Variants in TXNRD3 observed in about 807,000 individuals in gnomAD.
TXNRD3 encodes the protein thioredoxin reductase 3, also known as TXNRD3 neighbor gene protein.
In TXNRD3, 68 loss-of-function variants were observed where a neutral mutation model predicts 78.2. That is an observed-to-expected ratio of 0.87 (90% CI 0.72 to 1.06). The LOEUF (loss-of-function observed/expected upper bound fraction) is 1.06, where lower values mean the gene tolerates loss of function less well. Ranked by LOEUF, TXNRD3 falls within the 50% of genes least tolerant of loss-of-function variation. The pLI, the probability that TXNRD3 is intolerant of heterozygous loss-of-function variation, is 0.00. For missense variants in TXNRD3, 751 were observed against 809.5 expected (o/e 0.93, Z 0.88); for synonymous variants, 296 against 300.1 (o/e 0.99, Z 0.14).
intron 6 of TXNRD3, among the ~76,000 whole-genome samples, chr3:126,640,261 C>A (rs1256793314): frequency 8.2e-4 from 28 of 34,116 alleles, no homozygotes; most frequent in Non-Finnish European, 1.4e-3. Context: ...CCCGCCACTA[C>A]GCCCGGCTAA....
chr3:126,608,834 G>C (rs553394767), intron 14 of TXNRD3, among the ~76,000 whole-genome samples: 1 of 152,286 alleles, frequency 6.6e-6, no homozygotes, highest in East Asian at 1.9e-4. Flanking sequence ...CACATCCAGA[G>C]TTAATTTGCA....
Position 126,642,124 on chromosome 3 carries a change from C to T in TXNRD3, c.620G>A (p.Gly207Asp), listed in dbSNP as rs1392628799. ...ATGCATCAATTTCTTAGGAATACAACCTACATTTACACAAGTGCCACCAAG... is the reference window on the plus strand; with the variant it reads ...ATGCATCAATTTCTTAGGAATACAATCTACATTTACACAAGTGCCACCAAG... Residue 207 changes from glycine (G) to aspartate (D), a missense_variant, in exon 6 of 16, where the codon GGT becomes GAT. Gly to Asp is a moderately conservative substitution (Grantham distance 94). Coordinates refer to ENST00000524230, the MANE Select transcript of TXNRD3 (RefSeq NM_052883.3). The T allele has an allele frequency of 1.3e-6, 2 of 1,536,056 alleles. No individual in the cohort carries two copies. The highest frequency in any genetic ancestry group is 8.7e-7 in the Non-Finnish European group (1 of 1,146,850).
intron 2 of TXNRD3, among the ~76,000 whole-genome samples, chr3:126,646,820 A>G (rs1933245031): frequency 6.6e-6 from 1 of 152,228 alleles, no homozygotes; most frequent in South Asian, 2.1e-4. Context: ...TGCTGAACTA[A>G]TATTAGATGT....
At chr3:126,635,934 C>A (rs983501986) in intron 6 of TXNRD3, among the ~76,000 whole-genome samples, 6 of 151,946 alleles carry the variant, frequency 3.9e-5, no homozygotes, top group Non-Finnish European at 8.8e-5. Context: ...CAAACACACA[C>A]ACAAACATAT....
intron 2 of TXNRD3, 99 bp downstream of exon 2, chr3:126,647,137 G>A (rs1344367933): frequency 1.9e-5 from 18 of 931,358 alleles, no homozygotes; most frequent in Non-Finnish European, 2.4e-5. Flanking sequence ...CATTTAACCC[G>A]AAGACAAGAG....
intron 10 of TXNRD3, 105 bp from the exon 11 acceptor site, chr3:126,622,645 T>C: frequency 1.2e-6 from 1 of 820,858 alleles, no homozygotes; most frequent in South Asian, 1.9e-5. Context: ...AATGGAATAT[T>C]ACAAACAATC....
At chr3:126,641,336 C>T (rs1027557325) in intron 6 of TXNRD3, among the ~76,000 whole-genome samples, 2 of 152,134 alleles carry the variant, frequency 1.3e-5, no homozygotes, top group Non-Finnish European at 2.9e-5. Flanking sequence ...CCACTATTAA[C>T]CCCCCAAAAC....
intron 13 of TXNRD3, among the ~76,000 whole-genome samples, chr3:126,613,520 C>T (rs1182191945): frequency 1.3e-5 from 2 of 152,236 alleles, no homozygotes; most frequent in African/African-American, 2.4e-5. Flanking sequence ...AAATGGATCA[C>T]AGATCTAAAT....
chr3:126,624,611 C>T (rs761274153), intron 10 of TXNRD3, among the ~76,000 whole-genome samples: 4 of 151,994 alleles, frequency 2.6e-5, no homozygotes, highest in East Asian at 1.9e-4. Context: ...TCAGTAGAGA[C>T]GGGGTTTCAC....
chr3:126,650,486 C>G (rs2107630275), intron 1 of TXNRD3, among the ~76,000 whole-genome samples: 1 of 152,058 alleles, frequency 6.6e-6, no homozygotes, highest in Admixed American at 6.6e-5. Flanking sequence ...ACAAAAAATG[C>G]AAAAATTACT....
chr3:126,648,196 C>T (rs1319433155), intron 1 of TXNRD3, among the ~76,000 whole-genome samples: 1 of 152,102 alleles, frequency 6.6e-6, no homozygotes, highest in East Asian at 1.9e-4. Context: ...TGCTGAAAAC[C>T]ACAAATGTTG....
chr3:126,611,945 A>G (rs1938207023), intron 13 of TXNRD3, among the ~76,000 whole-genome samples: 1 of 152,234 alleles, frequency 6.6e-6, no homozygotes, highest in Admixed American at 6.5e-5. Context: ...AGGAGGTATC[A>G]CAATATACAG....
chr3:126,650,412 C>G (rs1051405983), intron 1 of TXNRD3, among the ~76,000 whole-genome samples: 11 of 152,046 alleles, frequency 7.2e-5, no homozygotes, highest in Admixed American at 2.0e-4. Flanking sequence ...GGAGGCCAGG[C>G]GGTGGATCAC....
intron 6 of TXNRD3, 35 bp downstream of exon 6, chr3:126,641,997 T>C (rs1933099958): frequency 2.0e-6 from 3 of 1,476,254 alleles, no homozygotes; most frequent in Non-Finnish European, 2.7e-6. Flanking sequence ...ATTTTTTCTT[T>C]TCTCTCAATC....
intron 12 of TXNRD3, among the ~76,000 whole-genome samples, chr3:126,619,919 T>C (rs938651206): frequency 6.6e-6 from 1 of 152,128 alleles, no homozygotes; most frequent in Non-Finnish European, 1.5e-5. Context: ...GGGGACTGTG[T>C]CAGATTAAGA....
At chr3:126,613,383 T>C (rs10934786) in intron 13 of TXNRD3, among the ~76,000 whole-genome samples, 1,772 of 152,338 alleles carry the variant, frequency 0.012, 15 homozygotes, top group Middle Eastern at 0.048. Flanking sequence ...AATACAGTTA[T>C]ACTCTTAGCT....
intron 9 of TXNRD3, among the ~76,000 whole-genome samples, chr3:126,630,022 G>A (rs1471753326): frequency 2.6e-5 from 4 of 152,248 alleles, no homozygotes; most frequent in African/African-American, 9.6e-5. Context: ...GTGCACAGAA[G>A]TGAAGAGGGA....
At chr3:126,614,274 A>T (rs1244804015) in intron 13 of TXNRD3, among the ~76,000 whole-genome samples, 2 of 152,214 alleles carry the variant, frequency 1.3e-5, no homozygotes, top group African/African-American at 4.8e-5. Flanking sequence ...AGGTGAGTTG[A>T]TCTGCAGCAA....
At chr3:126,628,954 G>A (rs949228051) in intron 10 of TXNRD3, among the ~76,000 whole-genome samples, 2 of 152,028 alleles carry the variant, frequency 1.3e-5, no homozygotes, top group Non-Finnish European at 2.9e-5. Context: ...CAAAAGAATT[G>A]TTGGCCTCCA....
Sources: gnomAD v4.1 joint callset for allele counts (sites outside exome capture counted in the v4.1 genomes callset) on GRCh38, gnomAD v4.1.1 for gene constraint, MANE v1.5 for transcripts, NCBI Gene and HGNC (gene_info 2026-07-23, HGNC 2026-07-21) for gene names.